Variants in LDB2 observed in about 807,000 individuals in gnomAD.
LDB2 encodes the protein LIM domain binding 2, also known as LIM domain-binding protein 2.
LDB2 carries 12 observed loss-of-function variants against 44.3 expected under a neutral mutation model. The observed-to-expected ratio is 0.27, with a 90% CI of 0.17 to 0.44. The LOEUF (loss-of-function observed/expected upper bound fraction) is 0.44. Among genes scored for constraint, LDB2 ranks in the 20% least tolerant of loss-of-function variants. The pLI is 1.00. For missense variants in LDB2, 344 were observed against 473.5 expected (o/e 0.73, Z 2.54); for synonymous variants, 164 against 174.8 (o/e 0.94, Z 0.49).
chr4:16,542,397 G>A (rs1300203481), intron 5 of LDB2, among the ~76,000 whole-genome samples: 12 of 152,306 alleles, frequency 7.9e-5, no homozygotes, highest in African/African-American at 2.6e-4. Context: ...AGGATAGCAG[G>A]TTTGATGGAG....
chr4:16,895,706 A>C (rs935327383), intron 1 of LDB2, among the ~76,000 whole-genome samples: 11 of 152,308 alleles, frequency 7.2e-5, no homozygotes, highest in Admixed American at 2.0e-4. Flanking sequence ...TTCTCAAAGT[A>C]GTCACTCAAA....
intron 1 of LDB2, among the ~76,000 whole-genome samples, chr4:16,779,320 T>A (rs1441030875): frequency 6.6e-6 from 1 of 152,230 alleles, no homozygotes; most frequent in Admixed American, 6.5e-5. Flanking sequence ...TCTGTCTTTT[T>A]TGAAGCAAAA....
chr4:16,773,456 G>A (rs1317772954), intron 1 of LDB2, among the ~76,000 whole-genome samples: 5 of 152,170 alleles, frequency 3.3e-5, no homozygotes, highest in South Asian at 2.1e-4. Flanking sequence ...GGGAGACAGC[G>A]ACGGATCATC....
At chr4:16,626,507 C>G (rs1324911045) in intron 2 of LDB2, among the ~76,000 whole-genome samples, 2 of 152,216 alleles carry the variant, frequency 1.3e-5, no homozygotes, top group Non-Finnish European at 2.9e-5. Context: ...CCAAATCACA[C>G]TAGCTAGACA....
At chr4:16,709,989 G>A (rs1755509768) in intron 2 of LDB2, among the ~76,000 whole-genome samples, 1 of 152,082 alleles carries the variant, frequency 6.6e-6, no homozygotes, top group African/African-American at 2.4e-5. Context: ...TTGAGATTAG[G>A]AGCCCTAAGC....
chr4:16,555,376 C>T (rs1739196395), intron 5 of LDB2, among the ~76,000 whole-genome samples: 1 of 152,142 alleles, frequency 6.6e-6, no homozygotes, highest in African/African-American at 2.4e-5. Context: ...CCTGCGAATG[C>T]CTCAACCTGA....
intron 1 of LDB2, among the ~76,000 whole-genome samples, chr4:16,805,670 C>G (rs1283572880): frequency 6.6e-6 from 1 of 152,162 alleles, no homozygotes; most frequent in African/African-American, 2.4e-5. Flanking sequence ...CAATTGGGAA[C>G]CACTACCTTG....
At chr4:16,774,556 C>T (rs565979761) in intron 1 of LDB2, among the ~76,000 whole-genome samples, 8 of 152,236 alleles carry the variant, frequency 5.3e-5, no homozygotes, top group South Asian at 2.1e-4. Flanking sequence ...AGCCAAACAA[C>T]GTGCATTATC....
chr4:16,894,819 CTACTTGG>C (rs1176853463), intron 1 of LDB2, among the ~76,000 whole-genome samples: 1 of 152,070 alleles, frequency 6.6e-6, no homozygotes, highest in Non-Finnish European at 1.5e-5. Flanking sequence ...TAATGAGTAC[CTACTTGG>C]TCCAGGAACT....
chr4:16,826,963 T>C (rs1424912717), intron 1 of LDB2, among the ~76,000 whole-genome samples: 1 of 152,156 alleles, frequency 6.6e-6, no homozygotes, highest in Non-Finnish European at 1.5e-5. Flanking sequence ...TTGATTGGTG[T>C]AGAAGCTCAA....
At chr4:16,669,283 C>T (rs978297539) in intron 2 of LDB2, among the ~76,000 whole-genome samples, 7 of 152,118 alleles carry the variant, frequency 4.6e-5, no homozygotes, top group Admixed American at 4.6e-4. Context: ...TGTTCCTTGC[C>T]CTATACTGTG....
At position 16,805,861 on chromosome 4, in the gene LDB2, CT is replaced by C. The variant is rs1469764835; in HGVS notation, c.133-46602del. 2.6e-5 allele frequency among the ~76,000 whole-genome samples: 4 copies of C among 152,282 alleles called. No homozygotes were observed. In the Middle Eastern group the frequency reaches 0.014, roughly 518 times the overall value. On this transcript the variant is annotated intron_variant, in intron 1 of 7. Transcript: ENST00000304523. ...GAAATTATCCTGTGGCTTGCACATGCTGATTTCTGGCATGAGAATTTTCTTC... is the reference window on the plus strand; with the variant it reads ...GAAATTATCCTGTGGCTTGCACATGCGATTTCTGGCATGAGAATTTTCTTC...
intron 1 of LDB2, among the ~76,000 whole-genome samples, chr4:16,846,093 G>A (rs1465995601): frequency 1.4e-5 from 2 of 143,576 alleles, no homozygotes; most frequent in African/African-American, 5.2e-5. Context: ...CAGCCTGGGC[G>A]ACAGAGCAAG....
rs560056448 is a variant in LDB2 at position 16,589,884 on chromosome 4, A to G, written c.409-1052T>C. ...TCTGGAAATTTGGGGAAAATCTAAT[A>G]AATTCCCCAAATTCCAGTTTTTCTC... On this transcript the variant is annotated intron_variant, in intron 3 of 7. Coordinates refer to ENST00000304523, the MANE Select transcript of LDB2 (RefSeq NM_001290.5). 2.6e-4 allele frequency among the ~76,000 whole-genome samples: 40 copies of G among 152,302 alleles called. 1 individual carries two copies. In the South Asian group the frequency reaches 6.0e-3, roughly 23 times the overall value.
At chr4:16,722,122 C>T (rs1325980722) in intron 2 of LDB2, among the ~76,000 whole-genome samples, 1 of 152,060 alleles carries the variant, frequency 6.6e-6, no homozygotes, top group African/African-American at 2.4e-5. Flanking sequence ...CTTCTCTGGG[C>T]CTCAGTGTTC....
At chr4:16,664,992 C>A (rs1039876507) in intron 2 of LDB2, among the ~76,000 whole-genome samples, 1 of 152,200 alleles carries the variant, frequency 6.6e-6, no homozygotes, top group Non-Finnish European at 1.5e-5. Flanking sequence ...TAAATATTTG[C>A]CAGGCCCAGA....
intron 1 of LDB2, among the ~76,000 whole-genome samples, chr4:16,779,907 G>GC (rs1772793710): frequency 6.6e-6 from 1 of 152,100 alleles, no homozygotes; most frequent in Non-Finnish European, 1.5e-5. Context: ...TCTCCAAAAT[G>GC]CAAGATCTTC....
intron 5 of LDB2, among the ~76,000 whole-genome samples, chr4:16,567,274 G>A (rs189052038): frequency 6.6e-6 from 1 of 152,126 alleles, no homozygotes; most frequent in Non-Finnish European, 1.5e-5. Context: ...AATGAATTAT[G>A]GTATATCTTT....
At chr4:16,568,740 T>A (rs1745416816) in intron 5 of LDB2, among the ~76,000 whole-genome samples, 1 of 152,246 alleles carries the variant, frequency 6.6e-6, no homozygotes, top group Non-Finnish European at 1.5e-5. Context: ...ATCCTGTGAT[T>A]ACTGTATTTT....
Sources: allele counts gnomAD v4.1 joint callset (sites outside exome capture counted in the v4.1 genomes callset), GRCh38; gene constraint gnomAD v4.1.1; transcripts MANE v1.5; gene names NCBI Gene and HGNC (gene_info 2026-07-23, HGNC 2026-07-21).